The following NHERF2 variants were observed in gnomAD, a reference collection of about 807,000 sequenced individuals.
NHERF2 encodes the protein Na(+)/H(+) exchange regulatory cofactor NHE-RF2.
At chr16:2,037,106 C>G in the NHERF2 span, 1 of 1,332,706 alleles carries the variant, frequency 7.5e-7, no homozygotes, top group Non-Finnish European at 1.0e-6. Context: ...GCTAGTGACA[C>G]CCGATTTTAG....
At chr16:2,035,093 G>C in the NHERF2 span, among the ~76,000 whole-genome samples, 1 of 152,120 alleles carries the variant, frequency 6.6e-6, no homozygotes, top group South Asian at 2.1e-4. Context: ...TGGTGGCCAT[G>C]CAGAGAGGGT....
chr16:2,037,038 G>A, the NHERF2 span: 41 of 1,545,232 alleles, frequency 2.7e-5, no homozygotes, highest in Non-Finnish European at 3.4e-5. Context: ...GGGTGCCTCT[G>A]GGGGTACCCA....
At chr16:2,035,926 G>A in the NHERF2 span, 26 of 195,204 alleles carry the variant, frequency 1.3e-4, no homozygotes, top group African/African-American at 4.2e-4. Context: ...CCTGCCCCAC[G>A]CTCTGGAGGA....
At chr16:2,028,730 C>T in the NHERF2 span, among the ~76,000 whole-genome samples, 4 of 152,174 alleles carry the variant, frequency 2.6e-5, no homozygotes, top group Non-Finnish European at 4.4e-5. Context: ...GGTGGGGAGC[C>T]TTGTCCACCC....
the NHERF2 span, chr16:2,033,521 A>G: frequency 7.5e-7 from 1 of 1,341,904 alleles, no homozygotes; most frequent in Non-Finnish European, 1.0e-6. Context: ...CGGGACCTTG[A>G]TGTAAGCAGG....
At chr16:2,038,058 C>T in the NHERF2 span, 2 of 1,563,240 alleles carry the variant, frequency 1.3e-6, no homozygotes, top group East Asian at 4.6e-5. Flanking sequence ...CCCCGAGCTC[C>T]CCCAGCCTCA....
chr16:2,038,203 GAGAGTC>G, the NHERF2 span: 4 of 603,400 alleles, frequency 6.6e-6, no homozygotes, highest in African/African-American at 3.7e-5. Flanking sequence ...AGATGTGAGA[GAGAGTC>G]AGAGACAGAG....
chr16:2,032,525 G>A, the NHERF2 span, among the ~76,000 whole-genome samples: 1 of 152,228 alleles, frequency 6.6e-6, no homozygotes, highest in Non-Finnish European at 1.5e-5. This position sits in a 1 kb window ranked among gnomAD's most constrained non-coding sequence, Gnocchi z 4.0. Context: ...GCAGAGCTCT[G>A]GAAGGGATGT....
At chr16:2,033,461 T>G in the NHERF2 span, 1 of 1,501,700 alleles carries the variant, frequency 6.7e-7, no homozygotes, top group Non-Finnish European at 8.9e-7. Flanking sequence ...AAGGGAGGGC[T>G]AGGAGGAACC....
the NHERF2 span, chr16:2,029,899 G>T: frequency 1.1e-6 from 1 of 880,582 alleles, no homozygotes; most frequent in Non-Finnish European, 1.7e-6. Flanking sequence ...TCTGCCTTTT[G>T]GGGCTCCTTT....
At chr16:2,028,547 A>C in the NHERF2 span, among the ~76,000 whole-genome samples, 1 of 152,204 alleles carries the variant, frequency 6.6e-6, no homozygotes, top group Non-Finnish European at 1.5e-5. Context: ...ACAGTTGAGG[A>C]AACTGATGCC....
chr16:2,033,134 C>T, the NHERF2 span: 4 of 1,409,550 alleles, frequency 2.8e-6, no homozygotes, highest in Non-Finnish European at 3.7e-6. Context: ...GGACGGAAGC[C>T]TAGCTGGGTG....
the NHERF2 span, chr16:2,036,132 G>C: frequency 1.8e-6 from 1 of 565,272 alleles, no homozygotes; most frequent in African/African-American, 1.9e-5. Context: ...TTTGAAAACA[G>C]GCTTTGCCCA....
the NHERF2 span, chr16:2,033,375 G>A: frequency 6.5e-6 from 10 of 1,533,138 alleles, no homozygotes; most frequent in African/African-American, 4.1e-5. Flanking sequence ...GGAGTGCCAC[G>A]CCACCTGCCC....
At chr16:2,037,514 C>G in the NHERF2 span, 6 of 1,600,984 alleles carry the variant, frequency 3.7e-6, no homozygotes, top group Admixed American at 1.0e-4. Flanking sequence ...TCTGTGAAAC[C>G]ACAATCTGCC....
At chr16:2,033,738 G>T in the NHERF2 span, among the ~76,000 whole-genome samples, 1 of 152,124 alleles carries the variant, frequency 6.6e-6, no homozygotes, top group Admixed American at 6.5e-5. Context: ...GGAGGCGGCA[G>T]GAAGTGTGTG....
At chr16:2,033,238 G>T in the NHERF2 span, 1 of 1,511,928 alleles carries the variant, frequency 6.6e-7, no homozygotes. Flanking sequence ...ACCCATCCCC[G>T]GGGAGCCAGG....
chr16:2,031,035 G>C, the NHERF2 span, among the ~76,000 whole-genome samples: 1 of 150,476 alleles, frequency 6.6e-6, no homozygotes, highest in Admixed American at 6.6e-5. Context: ...CTTGGGGCAG[G>C]GGTGTGGGAT....
the NHERF2 span, chr16:2,036,591 C>CT: frequency 6.6e-7 from 1 of 1,518,014 alleles, no homozygotes; most frequent in Non-Finnish European, 8.9e-7. Context: ...GAGGGAGACG[C>CT]TGGGAACCTG....
Sources: gnomAD v4.1 joint callset for allele counts (sites outside exome capture counted in the v4.1 genomes callset) on GRCh38, gnomAD v4.1.1 for gene constraint, Gnocchi (gnomAD v3.1) non-coding constraint, MANE v1.5 for transcripts, NCBI Gene and HGNC (gene_info 2026-07-23, HGNC 2026-07-21) for gene names.